Variants in FGF14 observed in about 807,000 individuals in gnomAD.
FGF14 encodes the protein fibroblast growth factor homologous factor 4.
A neutral mutation model predicts 25.5 loss-of-function variants in FGF14; 5 were observed. The ratio of observed to expected loss-of-function variants is 0.20; its 90% CI spans 0.10 to 0.41. The LOEUF is 0.41. Ranked by LOEUF, FGF14 falls within the 10% of genes least tolerant of loss-of-function variation. FGF14 has a pLI of 1.00. For synonymous variants in FGF14, 138 were observed against 118.3 expected (o/e 1.17, Z -1.08); for missense variants, 222 against 320.1 (o/e 0.69, Z 2.34).
chr13:102,020,077 CATG>C (rs1237978878), intron 1 of FGF14, among the ~76,000 whole-genome samples: 1 of 151,990 alleles, frequency 6.6e-6, no homozygotes, highest in Non-Finnish European at 1.5e-5. Context: ...ATTTGATAAT[CATG>C]ATGTTGATGA....
rs887967988 is a variant in FGF14, at chr13:102,391,130, A to G, written c.208+10341T>C. Among the ~76,000 whole-genome samples, 13 of 152,220 alleles carry G rather than the reference A, an allele frequency of 8.5e-5. No homozygotes were observed. The East Asian group carries it at 1.7e-3, about 20-fold the overall frequency. On this transcript the variant is annotated intron_variant, in intron 1 of 4. Transcript: ENST00000376131. ...ATACTAATCCTGATCTTGCCTGAAG[A>G]GTAAGTTGATGACAAAATTTTTGAA...
intron 1 of FGF14, among the ~76,000 whole-genome samples, chr13:102,157,372 A>T (rs1442660629): frequency 6.6e-6 from 1 of 152,218 alleles, no homozygotes; most frequent in Non-Finnish European, 1.5e-5. Context: ...CAACTATCTG[A>T]TCTTTGACAA....
At chr13:102,024,272 T>C (rs969996101) in intron 1 of FGF14, among the ~76,000 whole-genome samples, 6 of 152,104 alleles carry the variant, frequency 3.9e-5, no homozygotes, top group African/African-American at 1.4e-4. Context: ...TTCCTCCACA[T>C]TCTTGCCAAC....
At chr13:102,377,476 T>C (rs1015214802) in intron 1 of FGF14, among the ~76,000 whole-genome samples, 1 of 152,174 alleles carries the variant, frequency 6.6e-6, no homozygotes, top group African/African-American at 2.4e-5. Flanking sequence ...TGACTAATAT[T>C]AGAGTACATA....
intron 1 of FGF14, among the ~76,000 whole-genome samples, chr13:101,976,355 G>C (rs1281738658): frequency 5.3e-5 from 8 of 152,110 alleles, no homozygotes; most frequent in African/African-American, 1.9e-4. Flanking sequence ...TGATGCGCTA[G>C]CAACTTAGTA....
At position 101,715,746 on chromosome 13, in the gene FGF14, A is replaced by G; in HGVS notation, c.*7085T>C. 1 of 724,178 alleles carries G rather than the reference A, an allele frequency of 1.4e-6. No individual in the cohort carries two copies. Among genetic ancestry groups the G allele is most frequent in the South Asian group, 1.8e-5 (1 of 54,952 alleles). The allele number at this position is 724,178 out of a possible 1,614,324, so 44.9% of individuals were successfully genotyped here. On this transcript the variant is annotated 3_prime_UTR_variant, in exon 5 of 5. Coordinates refer to ENST00000376143, the MANE Select transcript of FGF14 (RefSeq NM_004115.4). ...AACCATGTATATTCACCACTAGGAC[A>G]GGTTAAAAAGACCATTGTATGTTTT...
chr13:102,113,559 A>C (rs1023767002), intron 1 of FGF14, among the ~76,000 whole-genome samples: 1 of 152,172 alleles, frequency 6.6e-6, no homozygotes, highest in Admixed American at 6.5e-5. Flanking sequence ...CTCCACCTAA[A>C]ACTTTGAGTT....
intron 1 of FGF14, among the ~76,000 whole-genome samples, chr13:102,281,271 G>A (rs147201586): frequency 6.6e-6 from 1 of 152,204 alleles, no homozygotes; most frequent in African/African-American, 2.4e-5. Context: ...AGTAAGGGCT[G>A]TCCCTGAGCC....
At chr13:102,324,747 T>C (rs1189196246) in intron 1 of FGF14, among the ~76,000 whole-genome samples, 1 of 152,220 alleles carries the variant, frequency 6.6e-6, no homozygotes, top group African/African-American at 2.4e-5. Flanking sequence ...AGATAAGATG[T>C]CTGGCCCATT....
chr13:102,336,111 G>A (rs779373790), intron 1 of FGF14, among the ~76,000 whole-genome samples: 11 of 152,084 alleles, frequency 7.2e-5, no homozygotes, highest in Non-Finnish European at 1.0e-4. Context: ...CATGTCTCTC[G>A]CTTTAAATAA....
At chr13:102,068,954 G>A (rs931504200) in intron 1 of FGF14, among the ~76,000 whole-genome samples, 4 of 152,170 alleles carry the variant, frequency 2.6e-5, no homozygotes, top group African/African-American at 7.2e-5. Flanking sequence ...GTGGGGACGT[G>A]GAGAGTCTTT....
At chr13:101,786,547 A>G (rs1297098449) in intron 3 of FGF14, among the ~76,000 whole-genome samples, 1 of 151,990 alleles carries the variant, frequency 6.6e-6, no homozygotes, top group Non-Finnish European at 1.5e-5. Flanking sequence ...CTTCTTGGCC[A>G]TCCTCCCCTG....
intron 1 of FGF14, among the ~76,000 whole-genome samples, chr13:102,137,333 C>T (rs552664): frequency 0.026 from 3,994 of 152,278 alleles, 174 homozygotes; most frequent in African/African-American, 0.091. Flanking sequence ...GCAAACTTAT[C>T]TCATAGAGAT....
At chr13:101,881,248 G>A (rs1018311784) in intron 1 of FGF14, among the ~76,000 whole-genome samples, 10 of 151,454 alleles carry the variant, frequency 6.6e-5, no homozygotes, top group Non-Finnish European at 1.2e-4. Context: ...GAAATCTTTG[G>A]AACTCAGAAA....
chr13:102,265,339 C>T (rs576714139), intron 1 of FGF14, among the ~76,000 whole-genome samples: 63 of 152,144 alleles, frequency 4.1e-4, no homozygotes, highest in African/African-American at 1.5e-3. Context: ...GCAAACATGG[C>T]GGGAGGTGAG....
intron 1 of FGF14, chr13:101,967,716 G>A (rs1464264801): frequency 6.5e-6 from 1 of 154,266 alleles, no homozygotes; most frequent in Non-Finnish European, 1.5e-5. Context: ...TCTCCTGGAG[G>A]TGGTAAAACA....
At chr13:101,866,399 T>A (rs1174863584) in intron 3 of FGF14, among the ~76,000 whole-genome samples, 1 of 152,138 alleles carries the variant, frequency 6.6e-6, no homozygotes, top group Non-Finnish European at 1.5e-5. Flanking sequence ...TCCAATCTTA[T>A]CTTTTCTATC....
intron 1 of FGF14, among the ~76,000 whole-genome samples, chr13:101,984,849 T>C (rs1352598500): frequency 6.6e-6 from 1 of 152,150 alleles, no homozygotes; most frequent in Non-Finnish European, 1.5e-5. Flanking sequence ...ATTACAATTA[T>C]ATGCAGGTAG....
chr13:102,293,396 A>ATT (rs1366892751), intron 1 of FGF14: 3 of 152,066 alleles, frequency 2.0e-5, no homozygotes, highest in African/African-American at 7.2e-5. Context: ...GAGAATACAT[A>ATT]TTTTCACTCT....
Sources: gnomAD v4.1 joint callset for allele counts (sites outside exome capture counted in the v4.1 genomes callset) on GRCh38, gnomAD v4.1.1 for gene constraint, MANE v1.5 for transcripts, NCBI Gene and HGNC (gene_info 2026-07-23, HGNC 2026-07-21) for gene names.